PLCB1: variants seen among roughly 807,000 people sequenced by gnomAD.
The protein encoded by PLCB1 is phospholipase C beta 1, also known as 1-phosphatidylinositol 4,5-bisphosphate phosphodiesterase beta-1.
In PLCB1, 46 loss-of-function variants were observed where a neutral mutation model predicts 161.8. The ratio of observed to expected loss-of-function variants is 0.28; its 90% CI spans 0.22 to 0.36. The LOEUF is 0.36. Among genes scored for constraint, PLCB1 ranks in the 10% least tolerant of loss-of-function variants. PLCB1 has a pLI of 1.00. For synonymous variants in PLCB1, 517 were observed against 503.7 expected, an observed-to-expected ratio of 1.03 and a Z score of -0.35; for missense variants, 1,016 against 1,472.5, an observed-to-expected ratio of 0.69 and a Z score of 5.07.
intron 3 of PLCB1, among the ~76,000 whole-genome samples, chr20:8,609,043 C>T (rs1458885419): frequency 6.6e-6 from 1 of 152,108 alleles, no homozygotes; most frequent in African/African-American, 2.4e-5. Context: ...GTTAAATGCC[C>T]TTCTCTTATT....
At chr20:8,160,426 C>T (rs1266375582) in intron 2 of PLCB1, among the ~76,000 whole-genome samples, 1 of 152,080 alleles carries the variant, frequency 6.6e-6, no homozygotes, top group Non-Finnish European at 1.5e-5. Flanking sequence ...AAAGACATAC[C>T]CAAGACTGGA....
intron 2 of PLCB1, among the ~76,000 whole-genome samples, chr20:8,285,547 A>G (rs1489814539): frequency 6.6e-6 from 1 of 152,178 alleles, no homozygotes; most frequent in Admixed American, 6.5e-5. Flanking sequence ...TGGCTGGTTC[A>G]TTGATCCAGA....
intron 2 of PLCB1, among the ~76,000 whole-genome samples, chr20:8,340,264 A>G (rs1985750062): frequency 6.6e-6 from 1 of 152,168 alleles, no homozygotes; most frequent in Non-Finnish European, 1.5e-5. Flanking sequence ...TTATACGGCA[A>G]ACTTTAAAGC....
chr20:8,148,091 C>G (rs941647514), intron 1 of PLCB1, among the ~76,000 whole-genome samples: 7 of 151,924 alleles, frequency 4.6e-5, no homozygotes, highest in African/African-American at 1.7e-4. Flanking sequence ...TTGTCAGATG[C>G]TCTGATAAGA....
At chr20:8,462,075 T>C (rs1315175634) in intron 3 of PLCB1, among the ~76,000 whole-genome samples, 1 of 151,988 alleles carries the variant, frequency 6.6e-6, no homozygotes, top group Non-Finnish European at 1.5e-5. Context: ...TATATGTGTA[T>C]ATATATAAAC....
intron 3 of PLCB1, among the ~76,000 whole-genome samples, chr20:8,614,002 G>T (rs911624265): frequency 6.6e-6 from 1 of 152,010 alleles, no homozygotes; most frequent in Non-Finnish European, 1.5e-5. Flanking sequence ...CCAAAAAAAG[G>T]TTGTTTATAA....
intron 9 of PLCB1, among the ~76,000 whole-genome samples, chr20:8,663,824 G>T (rs527485453): frequency 6.6e-6 from 1 of 152,182 alleles, no homozygotes; most frequent in South Asian, 2.1e-4. Flanking sequence ...TCCTGGCACA[G>T]GAATATGCAA....
At chr20:8,268,349 C>A (rs542633802) in intron 2 of PLCB1, among the ~76,000 whole-genome samples, 1 of 152,272 alleles carries the variant, frequency 6.6e-6, no homozygotes, top group African/African-American at 2.4e-5. Flanking sequence ...GCCACATTTT[C>A]TTAATCCAGT....
chr20:8,772,041 G>A (rs967573868), intron 26 of PLCB1, among the ~76,000 whole-genome samples: 2 of 143,708 alleles, frequency 1.4e-5, no homozygotes, highest in African/African-American at 5.4e-5. Context: ...CACTAGGCCC[G>A]GTTAATTTTT....
chr20:8,559,034 T>A (rs957745488), intron 3 of PLCB1, among the ~76,000 whole-genome samples: 1 of 151,822 alleles, frequency 6.6e-6, no homozygotes, highest in East Asian at 1.9e-4. Context: ...AAATACATAG[T>A]CCTATAAAAA....
At chr20:8,826,598 T>C (rs1985718711) in intron 31 of PLCB1, among the ~76,000 whole-genome samples, 1 of 152,140 alleles carries the variant, frequency 6.6e-6, no homozygotes, top group South Asian at 2.1e-4. Flanking sequence ...GCACTAGGAT[T>C]GTAAGGGCAA....
rs561867298 is a variant in PLCB1, at chr20:8,826,626, A to G, written c.3423+36365A>G. 1.2e-4 allele frequency among the ~76,000 whole-genome samples: 18 copies of G among 152,250 alleles called. No homozygotes were observed. The South Asian group carries it at 3.5e-3, about 30-fold the overall frequency. The stretch of plus-strand genomic sequence containing the variant: ...AAGGGCAAGTGTTTATTTTCTCACC[A>G]TTAACTTAAACTTCTTCTCTATTGT... On this transcript the variant is annotated intron_variant, in intron 31 of 31. Coordinates refer to ENST00000338037, the MANE Select transcript of PLCB1 (RefSeq NM_015192.4).
chr20:8,418,758 C>G (rs1979408212), intron 3 of PLCB1, among the ~76,000 whole-genome samples: 1 of 152,124 alleles, frequency 6.6e-6, no homozygotes, highest in Admixed American at 6.6e-5. Flanking sequence ...TCTTAAAGCA[C>G]TAAACTCTAG....
chr20:8,791,302 T>C (rs1193954353), intron 31 of PLCB1, among the ~76,000 whole-genome samples: 1 of 151,968 alleles, frequency 6.6e-6, no homozygotes, highest in African/African-American at 2.4e-5. Context: ...GTAGATCTTC[T>C]CAGCCACCCT....
chr20:8,189,607 A>C (rs74706266), intron 2 of PLCB1, among the ~76,000 whole-genome samples: 8,497 of 152,094 alleles, frequency 0.056, 720 homozygotes, highest in African/African-American at 0.18. Flanking sequence ...TTGTGGTTGA[A>C]TGTACTCAAA....
At chr20:8,565,355 C>T (rs941365709) in intron 3 of PLCB1, among the ~76,000 whole-genome samples, 2 of 151,836 alleles carry the variant, frequency 1.3e-5, no homozygotes, top group Admixed American at 6.6e-5. Context: ...GGGGTTAGGG[C>T]ATGGATATCA....
chr20:8,228,937 C>T (rs890535375), intron 2 of PLCB1, among the ~76,000 whole-genome samples: 5 of 151,970 alleles, frequency 3.3e-5, no homozygotes, highest in Non-Finnish European at 5.9e-5. Context: ...AAAATATATA[C>T]AATTTTTGAC....
intron 3 of PLCB1, among the ~76,000 whole-genome samples, chr20:8,489,124 G>C (rs561216647): frequency 1.4e-3 from 211 of 152,204 alleles, no homozygotes; most frequent in African/African-American, 5.0e-3. Context: ...CTAGGAGCTG[G>C]GAACCCAGAG....
intron 3 of PLCB1, among the ~76,000 whole-genome samples, chr20:8,601,662 G>A (rs1028523437): frequency 6.7e-6 from 1 of 148,706 alleles, no homozygotes; most frequent in African/African-American, 2.5e-5. Flanking sequence ...TTGAGTGACT[G>A]CCCCCACTAG....
Sources: gnomAD v4.1 joint callset for allele counts (sites outside exome capture counted in the v4.1 genomes callset) on GRCh38, gnomAD v4.1.1 for gene constraint, MANE v1.5 for transcripts, NCBI Gene and HGNC (gene_info 2026-07-23, HGNC 2026-07-21) for gene names.